The following DLG5 variants were observed in gnomAD, a reference collection of about 807,000 sequenced individuals.
DLG5 encodes the protein discs large MAGUK scaffold protein 5, also known as disks large homolog 5.
In DLG5, 48 loss-of-function variants were observed where a neutral mutation model predicts 189.8. The ratio of observed to expected loss-of-function variants is 0.25; its 90% confidence interval spans 0.20 to 0.32. The LOEUF is 0.32. DLG5 is among the 10% of genes least tolerant of loss of function. The pLI is 1.00. For missense variants in DLG5, 2,160 were observed against 2,544.7 expected, an observed-to-expected ratio of 0.85 and a Z score of 3.25; for synonymous variants, 1,016 against 1,054.1, an observed-to-expected ratio of 0.96 and a Z score of 0.70.
chr10:77,924,524 A>C (rs1331393745), intron 1 of DLG5, among the ~76,000 whole-genome samples: 1 of 152,246 alleles, frequency 6.6e-6, no homozygotes, highest in African/African-American at 2.4e-5. Flanking sequence ...GCTTTACGAA[A>C]GACTTTCAGA....
In DLG5 at chr10:77,821,628, G is replaced by A. The variant is rs200857918; in HGVS notation, c.2856C>T (p.Leu952=). Residue 952 remains leucine, a synonymous_variant, in exon 15 of 32, where the codon CTC becomes CTT. Coordinates refer to ENST00000372391, the MANE Select transcript of DLG5 (RefSeq NM_004747.4). ...GCTTCTCAGGCACTGCCGTGGAGCT[G>A]AGCATGGCCTTGGGCCAGGTCCCGC... is the stretch of plus-strand genomic sequence containing the variant. ...NSGGTWPKAM[L]SSTAVPEKLS... is the part of the protein sequence containing the mutation. The A allele has an allele frequency of 5.5e-5, 88 of 1,612,946 alleles. No individual in the cohort carries two copies. Among genetic ancestry groups the A allele is most frequent in the Middle Eastern group, 1.6e-4 (1 of 6,080 alleles).
At chr10:77,873,031 G>GTGTGCGCA (rs201196944) in intron 1 of DLG5, among the ~76,000 whole-genome samples, 115 of 45,530 alleles carry the variant, frequency 2.5e-3, no homozygotes, top group African/African-American at 5.3e-3. Flanking sequence ...GTGTGTGTGT[G>GTGTGCGCA]CACACACACA....
At chr10:77,863,808 C>A (rs1366742618) in intron 2 of DLG5, among the ~76,000 whole-genome samples, 2 of 152,146 alleles carry the variant, frequency 1.3e-5, no homozygotes, top group Admixed American at 6.6e-5. Flanking sequence ...CAGGAAGACA[C>A]CAGATCAGGA....
intron 1 of DLG5, among the ~76,000 whole-genome samples, chr10:77,919,874 C>T (rs1846483972): frequency 6.6e-6 from 1 of 152,128 alleles, no homozygotes; most frequent in Non-Finnish European, 1.5e-5. Flanking sequence ...TCCTCCTCTC[C>T]CACAGCCTCT....
chr10:77,834,954 A>G (rs1185910796), intron 8 of DLG5, among the ~76,000 whole-genome samples: 1 of 151,850 alleles, frequency 6.6e-6, no homozygotes, highest in Non-Finnish European at 1.5e-5. Context: ...TCTTTTGGAC[A>G]CCTCCCAAAT....
intron 5 of DLG5, among the ~76,000 whole-genome samples, chr10:77,844,678 C>T (rs1843598525): frequency 6.6e-6 from 1 of 151,922 alleles, no homozygotes; most frequent in Non-Finnish European, 1.5e-5. Context: ...CACAGATAGG[C>T]CAAATAAAGT....
At chr10:77,856,606 G>A in intron 3 of DLG5, 124 bp downstream of exon 3, 4 of 1,271,668 alleles carry the variant, frequency 3.1e-6, no homozygotes, top group Non-Finnish European at 4.4e-6. Flanking sequence ...GTGGGGGAAA[G>A]GGGACACTCA....
In DLG5 at chr10:77,821,996, G is replaced by C; in HGVS notation, c.2488C>G (p.His830Asp). 6.2e-7 allele frequency: 1 copy of C among 1,614,210 alleles called. No homozygotes were observed. The highest frequency in any genetic ancestry group is 8.5e-7 in the Non-Finnish European group (1 of 1,180,044). ...TGCTGTATCAAGTTCCGTTTGTTAT[G>C]AGCCTGGACCTCCGGGCCATGGGCT... The part of the protein sequence containing the change: ...FRAHGPEVQA[H>D]NKRNLIQHNN... Residue 830 changes from histidine to aspartate, a missense_variant, in exon 15 of 32, where the codon CAT (histidine) becomes GAT (aspartate). Around this residue, in one of 5 missense-constraint regions of DLG5, gnomAD observed 754 missense variants for 746.5 expected, o/e 1.01. Transcript: ENST00000372391.
Position 77,848,707 on chromosome 10 carries a change from A to AT in DLG5, c.864+4646dup, listed in dbSNP as rs201168807. On this transcript the variant is annotated intron_variant, in intron 5 of 31. Transcript: ENST00000372391. ...AAGGAAACCCATGATATATTGTAGG[A>AT]TTTTTTTTTAAAGCAGGTTTCAGGG... Among the ~76,000 whole-genome samples the AT allele has an allele frequency of 1.4e-4, 21 of 150,296 alleles. 1 individual carries two copies. In the East Asian group the frequency reaches 1.8e-3, roughly 13 times the overall value.
In DLG5 at chr10:77,794,870, T is replaced by C; in HGVS notation, c.5525A>G (p.Tyr1842Cys). The C allele has an allele frequency of 6.2e-7, 1 of 1,613,974 alleles. No homozygotes were observed. The highest frequency in any genetic ancestry group is 8.5e-7 in the Non-Finnish European group (1 of 1,179,964). ...HIYPIVIFIHYKSAKHIKEQR... is the reference protein window; with the variant it reads ...HIYPIVIFIHCKSAKHIKEQR... ...CTACTTGATGTGCTTGGCGCTCTTG[T>C]AGTGGATGAAGATGACAATGGGGTA... Residue 1842 changes from tyrosine (Y) to cysteine (C), a missense_variant, in exon 30 of 32, where the codon TAC becomes TGC. Tyr to Cys is a radical substitution (Grantham distance 194). This residue lies in a region of DLG5 where 574 missense variants were observed against 644.2 expected (regional missense o/e 0.89). Transcript: ENST00000372391.
chr10:77,914,206 G>A (rs1257147681), intron 1 of DLG5, among the ~76,000 whole-genome samples: 3 of 152,296 alleles, frequency 2.0e-5, no homozygotes, highest in Non-Finnish European at 4.4e-5. Context: ...TGTCTTTTGA[G>A]CAGCCCAGAG....
At chr10:77,820,954 CA>C in intron 15 of DLG5, 127 bp downstream of exon 15, 1 of 1,316,654 alleles carries the variant, frequency 7.6e-7, no homozygotes, top group Non-Finnish European at 1.0e-6. Context: ...TTGAGTCCAA[CA>C]GCAAAGGCAA....
intron 1 of DLG5, among the ~76,000 whole-genome samples, chr10:77,916,997 C>T (rs993839783): frequency 6.7e-6 from 1 of 149,390 alleles, no homozygotes; most frequent in African/African-American, 2.5e-5. Context: ...GGACTTTATG[C>T]TTAGAGAAGT....
At position 77,821,328 on chromosome 10, in the gene DLG5, G is replaced by A. The variant is rs1165958999; in HGVS notation, c.3156C>T (p.Pro1052=). 1.2e-6 allele frequency: 2 copies of A among 1,613,162 alleles called. No individual in the cohort carries two copies. Among genetic ancestry groups the A allele is most frequent in the African/African-American group, 1.3e-5 (1 of 74,910 alleles). Residue 1052 remains proline (P), a synonymous_variant, in exon 15 of 32, where the codon CCC becomes CCT. Transcript: ENST00000372391. ...TGGGCTCCCCGGGGTCCACGTCAGG[G>A]GGCAGGGCGCTCGGGGGACTAGTGG... ...SPSTSPPSAL[P]PDVDPGEPMH...
chr10:77,855,676 G>A (rs1175540280), intron 3 of DLG5, among the ~76,000 whole-genome samples: 1 of 152,178 alleles, frequency 6.6e-6, no homozygotes, highest in Non-Finnish European at 1.5e-5. Context: ...CCTGCCTTCG[G>A]GCCAACTGAC....
intron 1 of DLG5, among the ~76,000 whole-genome samples, chr10:77,883,688 G>GTT (rs1845350605): frequency 8.0e-6 from 1 of 124,600 alleles, no homozygotes; most frequent in African/African-American, 3.3e-5. Flanking sequence ...AAGTAACATT[G>GTT]TTCTTTTTTT....
At chr10:77,866,761 C>T (rs1844699256) in intron 2 of DLG5, 1 of 349,382 alleles carries the variant, frequency 2.9e-6, no homozygotes, top group South Asian at 2.1e-5. Context: ...AGAGCTGCAT[C>T]CCCATGTACT....
At chr10:77,876,901 T>C (rs1239773061) in intron 1 of DLG5, among the ~76,000 whole-genome samples, 2 of 151,420 alleles carry the variant, frequency 1.3e-5, no homozygotes, top group Admixed American at 6.6e-5. Context: ...CTTTATATTT[T>C]AAAATAAATA....
chr10:77,849,498 G>A (rs1255759072), intron 5 of DLG5, among the ~76,000 whole-genome samples: 1 of 152,258 alleles, frequency 6.6e-6, no homozygotes, highest in South Asian at 2.1e-4. Context: ...GCTCTGAGAT[G>A]CTCCCAGCCC....
Sources: gnomAD v4.1 joint callset for allele counts (sites outside exome capture counted in the v4.1 genomes callset) on GRCh38, gnomAD v4.1.1 for gene constraint, gnomAD v4.1.1 regional missense constraint, MANE v1.5 for transcripts, NCBI Gene and HGNC (gene_info 2026-07-23, HGNC 2026-07-21) for gene names.